Variants in NXPH1 observed in about 807,000 individuals in gnomAD.
NXPH1 encodes neurexophilin-1.
NXPH1 carries 5 observed loss-of-function variants against 23.7 expected under a neutral mutation model. The ratio of observed to expected loss-of-function variants is 0.21; its 90% confidence interval spans 0.11 to 0.44. The LOEUF (loss-of-function observed/expected upper bound fraction) is 0.44. NXPH1 is among the 20% of genes least tolerant of loss of function. The pLI is 0.99. For missense variants in NXPH1, 324 were observed against 321.6 expected (o/e 1.01, Z -0.06); for synonymous variants, 144 against 122.2 (o/e 1.18, Z -1.18).
rs542054545 is a variant in NXPH1 at position 8,495,593 on chromosome 7, G to T, written c.54+59826G>T. Among the ~76,000 whole-genome samples, 3 of 152,076 alleles carry T rather than the reference G, an allele frequency of 2.0e-5. No homozygotes were observed. In the East Asian group the frequency reaches 5.8e-4, roughly 30 times the overall value. On this transcript the variant is annotated intron_variant, in intron 2 of 2. Transcript: ENST00000405863. ...TTTCATATTCTAAAAATGTAAGAGG[G>T]TCTATGGAGAAGGAAGAGGAATGAT...
rs1447452332 is a variant in NXPH1 at position 8,700,255 on chromosome 7, G to A, written c.55-50753G>A. ...TGGAGTAGTGTTACATATTGCCTAA[G>A]AAGGAGGTTTCTATTACTTCTATTT... is the stretch of plus-strand genomic sequence containing the variant. On this transcript the variant is annotated intron_variant, in intron 2 of 2. Transcript: ENST00000405863. Among the ~76,000 whole-genome samples, 5 of 152,256 alleles carry A rather than the reference G, an allele frequency of 3.3e-5. No homozygotes were observed. The East Asian group carries it at 9.6e-4, about 29-fold the overall frequency.
chr7:8,645,966 A>C (rs1000962678), intron 2 of NXPH1, among the ~76,000 whole-genome samples: 2 of 152,084 alleles, frequency 1.3e-5, no homozygotes, highest in African/African-American at 4.8e-5. Flanking sequence ...ACTAATGTCC[A>C]TGAAGTATTT....
intron 2 of NXPH1, among the ~76,000 whole-genome samples, chr7:8,528,058 T>C (rs867140199): frequency 1.9e-4 from 29 of 152,236 alleles, no homozygotes; most frequent in Admixed American, 6.5e-4. Context: ...TTCTTTGACC[T>C]AGCTCCAAAA....
chr7:8,622,350 G>A (rs898074246), intron 2 of NXPH1, among the ~76,000 whole-genome samples: 1 of 152,114 alleles, frequency 6.6e-6, no homozygotes, highest in Admixed American at 6.6e-5. Context: ...CTTATACAAG[G>A]GCATATAATT....
At chr7:8,735,532 G>T (rs1208469583) in intron 2 of NXPH1, among the ~76,000 whole-genome samples, 11 of 152,132 alleles carry the variant, frequency 7.2e-5, no homozygotes, top group Non-Finnish European at 8.8e-5. Flanking sequence ...TGCTGCATTT[G>T]GTTTGCCAGT....
At chr7:8,443,033 C>T (rs1011637441) in intron 2 of NXPH1, among the ~76,000 whole-genome samples, 2 of 152,238 alleles carry the variant, frequency 1.3e-5, no homozygotes, top group Non-Finnish European at 2.9e-5. Flanking sequence ...GTAGGGCCTG[C>T]CTCCCCCGCT....
intron 2 of NXPH1, among the ~76,000 whole-genome samples, chr7:8,635,516 T>C (rs1288118705): frequency 6.6e-6 from 1 of 152,168 alleles, no homozygotes; most frequent in Non-Finnish European, 1.5e-5. Context: ...TCAAGACCAC[T>C]GCTAAATCTT....
In NXPH1 at chr7:8,534,579, A is replaced by T. The variant is rs554565295; in HGVS notation, c.54+98812A>T. Among the ~76,000 whole-genome samples the T allele has an allele frequency of 2.0e-5, 3 of 152,254 alleles. No homozygotes were observed. The East Asian group carries it at 5.8e-4, about 30-fold the overall frequency. Reference sequence around the variant, plus strand: ...AGCATAGTATGTAAAATAGGGAGAGATGTTATTGTAAGTTCCTAAGAATTT... The same window carrying T: ...AGCATAGTATGTAAAATAGGGAGAGTTGTTATTGTAAGTTCCTAAGAATTT... On this transcript the variant is annotated intron_variant, in intron 2 of 2. Transcript: ENST00000405863.
At chr7:8,607,312 A>G (rs1819516937) in intron 2 of NXPH1, among the ~76,000 whole-genome samples, 1 of 152,176 alleles carries the variant, frequency 6.6e-6, no homozygotes, top group African/African-American at 2.4e-5. Context: ...AGCACAGTTT[A>G]ATTAAGACCA....
intron 2 of NXPH1, among the ~76,000 whole-genome samples, chr7:8,651,802 TG>T (rs1820495540): frequency 6.6e-6 from 1 of 152,210 alleles, no homozygotes; most frequent in Admixed American, 6.6e-5. Flanking sequence ...ATAAATGTAC[TG>T]GAAATATTTT....
At chr7:8,714,278 C>T (rs1779843400) in intron 2 of NXPH1, among the ~76,000 whole-genome samples, 1 of 151,986 alleles carries the variant, frequency 6.6e-6, no homozygotes, top group Non-Finnish European at 1.5e-5. Context: ...GGCCCAAGGG[C>T]TCTTTACTCG....
chr7:8,640,347 T>C (rs1044732900), intron 2 of NXPH1, among the ~76,000 whole-genome samples: 1 of 151,934 alleles, frequency 6.6e-6, no homozygotes, highest in African/African-American at 2.4e-5. Context: ...TAATGTTTTC[T>C]CTGTAAGAAT....
chr7:8,573,635 T>C (rs1016550786), intron 2 of NXPH1, among the ~76,000 whole-genome samples: 4 of 152,170 alleles, frequency 2.6e-5, no homozygotes, highest in Non-Finnish European at 4.4e-5. Context: ...GCCAAACTAA[T>C]GCAATGAGCT....
At chr7:8,610,042 G>A (rs1486566119) in intron 2 of NXPH1, among the ~76,000 whole-genome samples, 1 of 152,136 alleles carries the variant, frequency 6.6e-6, no homozygotes, top group Non-Finnish European at 1.5e-5. Context: ...GCTTGCTAGA[G>A]TGATAGCTAT....
At chr7:8,663,681 T>A (rs942499774) in intron 2 of NXPH1, among the ~76,000 whole-genome samples, 3 of 152,114 alleles carry the variant, frequency 2.0e-5, no homozygotes, top group East Asian at 3.9e-4. Flanking sequence ...TCTTAAGAAG[T>A]ACATTAATTA....
At chr7:8,516,923 T>G (rs770181776) in intron 2 of NXPH1, among the ~76,000 whole-genome samples, 2 of 152,112 alleles carry the variant, frequency 1.3e-5, no homozygotes, top group Non-Finnish European at 2.9e-5. Context: ...CTGGCCATCT[T>G]AGGGGCTTCT....
intron 2 of NXPH1, among the ~76,000 whole-genome samples, chr7:8,737,270 G>A (rs1031605666): frequency 6.6e-6 from 1 of 152,080 alleles, no homozygotes; most frequent in South Asian, 2.1e-4. Context: ...GGCTGGTACT[G>A]GTTTTTCCTT....
chr7:8,600,025 G>A (rs940155132), intron 2 of NXPH1, among the ~76,000 whole-genome samples: 1 of 151,904 alleles, frequency 6.6e-6, no homozygotes, highest in Admixed American at 6.6e-5. Flanking sequence ...GTTGAAGGAG[G>A]GAAGGTGGCG....
chr7:8,733,891 A>G (rs2115219937), intron 2 of NXPH1, among the ~76,000 whole-genome samples: 1 of 152,234 alleles, frequency 6.6e-6, no homozygotes, highest in South Asian at 2.1e-4. Context: ...ATTAGGTCCC[A>G]TTTGGCAATT....
Sources: gnomAD v4.1 joint callset for allele counts (sites outside exome capture counted in the v4.1 genomes callset) on GRCh38, gnomAD v4.1.1 for gene constraint, MANE v1.5 for transcripts, NCBI Gene and HGNC (gene_info 2026-07-23, HGNC 2026-07-21) for gene names.